The following MAGI2 variants were observed in gnomAD, a reference collection of about 807,000 sequenced individuals.
MAGI2 encodes the protein membrane-associated guanylate kinase, WW and PDZ domain-containing protein 2.
Under a neutral mutation model 133.3 loss-of-function variants are expected in MAGI2, and 35 were observed. The ratio of observed to expected loss-of-function variants is 0.26; its 90% CI spans 0.20 to 0.35. The LOEUF is 0.35. MAGI2 is among the 10% of genes least tolerant of loss of function. MAGI2 has a pLI of 1.00. For synonymous variants in MAGI2, 729 were observed against 710.6 expected (o/e 1.03, Z -0.41); for missense variants, 1,636 against 1,863.4 (o/e 0.88, Z 2.25).
chr7:78,195,062 A>T lies in MAGI2; in HGVS notation c.2081T>A (p.Ile694Lys). ...GCCTTGATTCTCCCATCGGTCCATT[A>T]TCTGAAAAGTGACAGAGGACAGAGA... ...FFSPWKTPKPIMDRWENQGSP... is the reference protein window; with the variant it reads ...FFSPWKTPKPKMDRWENQGSP... The change falls in exon 12 of 22, where the codon ATA becomes AAA. Residue 694 changes from isoleucine (I) to lysine (K), a missense_variant and splice_region_variant. Coordinates refer to ENST00000354212, the MANE Select transcript of MAGI2 (RefSeq NM_012301.4). 6.2e-7 allele frequency: 1 copy of T among 1,600,516 alleles called. No individual in the cohort carries two copies. Among genetic ancestry groups the T allele is most frequent in the Non-Finnish European group, 8.5e-7 (1 of 1,174,136 alleles).
chr7:78,870,999 A>G (rs1248836881), intron 2 of MAGI2, among the ~76,000 whole-genome samples: 2 of 152,318 alleles, frequency 1.3e-5, no homozygotes, highest in Non-Finnish European at 2.9e-5. Flanking sequence ...CTAAGATATG[A>G]GTACCCAAAT....
At chr7:78,034,273 G>A (rs756737927) in intron 21 of MAGI2, among the ~76,000 whole-genome samples, 2 of 152,068 alleles carry the variant, frequency 1.3e-5, no homozygotes, top group Non-Finnish European at 2.9e-5. Flanking sequence ...AAGTTGGGGG[G>A]AAAAAAGACG....
intron 3 of MAGI2, among the ~76,000 whole-genome samples, chr7:78,522,950 C>G (rs1315291141): frequency 7.2e-5 from 11 of 152,076 alleles, no homozygotes; most frequent in Admixed American, 7.2e-4. Context: ...TTCCAAGATG[C>G]TCAACAGTCC....
At chr7:79,156,045 C>T (rs1823747421) in intron 1 of MAGI2, among the ~76,000 whole-genome samples, 2 of 152,070 alleles carry the variant, frequency 1.3e-5, no homozygotes. Context: ...CTTTCAAAAT[C>T]AGACTGTGAT....
At chr7:78,217,455 C>T (rs1788383532) in intron 10 of MAGI2, among the ~76,000 whole-genome samples, 1 of 152,134 alleles carries the variant, frequency 6.6e-6, no homozygotes, top group Non-Finnish European at 1.5e-5. Context: ...TACCAATACT[C>T]AATTTTTATT....
intron 14 of MAGI2, among the ~76,000 whole-genome samples, chr7:78,175,733 C>T (rs924469373): frequency 2.6e-5 from 4 of 152,112 alleles, no homozygotes; most frequent in Admixed American, 6.6e-5. Context: ...GCAGAGGTGG[C>T]AGTCTGAAGA....
chr7:79,009,116 C>T (rs911861904), intron 1 of MAGI2: 4 of 152,086 alleles, frequency 2.6e-5, no homozygotes, highest in Non-Finnish European at 4.4e-5. Context: ...ATGTAGTCTC[C>T]TTATTAAGGT....
chr7:78,421,505 A>G (rs1798793300), intron 6 of MAGI2, among the ~76,000 whole-genome samples: 2 of 152,220 alleles, frequency 1.3e-5, no homozygotes, highest in African/African-American at 4.8e-5. Context: ...ATATAAAAAA[A>G]TAACAATGAT....
chr7:79,248,309 A>C (rs1832965243), intron 1 of MAGI2, among the ~76,000 whole-genome samples: 1 of 152,164 alleles, frequency 6.6e-6, no homozygotes, highest in African/African-American at 2.4e-5. Flanking sequence ...ATTCAGTAAG[A>C]GGTAATAACA....
At chr7:78,359,953 A>T (rs1001405722) in intron 7 of MAGI2, among the ~76,000 whole-genome samples, 6 of 152,228 alleles carry the variant, frequency 3.9e-5, no homozygotes, top group South Asian at 4.1e-4. Context: ...TGGATGGAAA[A>T]AACATAAGCT....
chr7:78,113,243 T>C (rs1269523043), intron 20 of MAGI2, among the ~76,000 whole-genome samples: 1 of 152,038 alleles, frequency 6.6e-6, no homozygotes, highest in African/African-American at 2.4e-5. Flanking sequence ...TGGGGTGCCA[T>C]GGAAGGGTTT....
At chr7:78,403,448 C>T (rs953519623) in intron 6 of MAGI2, among the ~76,000 whole-genome samples, 55 of 152,032 alleles carry the variant, frequency 3.6e-4, no homozygotes, top group Non-Finnish European at 4.7e-4. Flanking sequence ...TGAATAGTGC[C>T]GCAATAAACA....
chr7:79,072,804 G>A (rs887054863), intron 1 of MAGI2, among the ~76,000 whole-genome samples: 6 of 152,200 alleles, frequency 3.9e-5, no homozygotes, highest in Non-Finnish European at 8.8e-5. Flanking sequence ...ATCCTGGACA[G>A]TATATAAAGC....
chr7:79,063,260 G>A (rs565649850), intron 1 of MAGI2, among the ~76,000 whole-genome samples: 15 of 152,010 alleles, frequency 9.9e-5, no homozygotes, highest in Non-Finnish European at 1.6e-4. Flanking sequence ...TCGGATTCCA[G>A]TTGCCTCATA....
chr7:78,116,206 A>G (rs962702025), intron 20 of MAGI2, among the ~76,000 whole-genome samples: 3 of 152,212 alleles, frequency 2.0e-5, no homozygotes, highest in African/African-American at 7.2e-5. Flanking sequence ...CACCTTCTAA[A>G]TAATTCATGA....
chr7:79,435,010 T>C (rs1434327625), intron 1 of MAGI2, among the ~76,000 whole-genome samples: 1 of 152,204 alleles, frequency 6.6e-6, no homozygotes. Flanking sequence ...AATTGAAGCA[T>C]CAGCTCTTCC....
At chr7:79,194,104 T>C (rs112507161) in intron 1 of MAGI2, among the ~76,000 whole-genome samples, 4,884 of 152,060 alleles carry the variant, frequency 0.032, 331 homozygotes, top group African/African-American at 0.11. Flanking sequence ...CTACGAGTCA[T>C]TTATTCTTTT....
At chr7:78,196,947 G>T (rs890041224) in intron 11 of MAGI2, among the ~76,000 whole-genome samples, 3 of 152,184 alleles carry the variant, frequency 2.0e-5, no homozygotes, top group African/African-American at 7.2e-5. Context: ...AGTTGCCAGT[G>T]GCAGATCCTG....
chr7:78,239,988 CT>C (rs1004259239), intron 10 of MAGI2, among the ~76,000 whole-genome samples: 24 of 148,472 alleles, frequency 1.6e-4, no homozygotes, highest in South Asian at 8.6e-4. Context: ...TTTCCTAGAA[CT>C]TTTTTTTTTA....
Sources: allele counts gnomAD v4.1 joint callset (sites outside exome capture counted in the v4.1 genomes callset), GRCh38; gene constraint gnomAD v4.1.1; transcripts MANE v1.5; gene names NCBI Gene and HGNC (gene_info 2026-07-23, HGNC 2026-07-21).